Variants in NXF3 observed in about 807,000 individuals in gnomAD.
NXF3 encodes TAP-like protein 3.
A neutral mutation model predicts 48.4 loss-of-function variants in NXF3; 34 were observed. That is an observed-to-expected ratio of 0.70 (90% CI 0.53 to 0.93). The LOEUF (loss-of-function observed/expected upper bound fraction) is 0.93, where lower values mean the gene tolerates loss of function less well. Ranked by LOEUF, NXF3 falls within the 40% of genes least tolerant of loss-of-function variation. The probability of loss-of-function intolerance (pLI) is 0.00; values close to 1 mark genes in which losing one functional copy is unlikely to be tolerated. For missense variants in NXF3, 359 were observed against 406.1 expected, an observed-to-expected ratio of 0.88 and a Z score of 1.00; for synonymous variants, 132 against 145.7, an observed-to-expected ratio of 0.91 and a Z score of 0.68.
At position 103,080,153 on chromosome X, in the gene NXF3, A is replaced by G; in HGVS notation, c.991T>C (p.Cys331Arg). The G allele has an allele frequency of 8.3e-7, 1 of 1,211,069 alleles. No individual in the cohort carries two copies. The highest frequency in any genetic ancestry group is 1.1e-6 in the Non-Finnish European group (1 of 895,167). ...GCTGGATCCTCTCTTCTCACCTTAC[A>G]GGTTGGTAACCTCTTGTGGGCTTCA... is the stretch of plus-strand genomic sequence containing the variant. ...GTEAHKRLPT[C>R]KGSFFGSEML... Residue 331 changes from cysteine to arginine, a missense_variant, in exon 11 of 20, where the codon TGT becomes CGT. By Grantham distance (180) the Cys-to-Arg change is radical (BLOSUM62 -3). Coordinates refer to ENST00000395065, the MANE Select transcript of NXF3 (RefSeq NM_022052.2).
At chrX:103,078,861 A>C (rs919971607) in intron 16 of NXF3, among the ~76,000 whole-genome samples, 2 of 112,208 alleles carry the variant, frequency 1.8e-5, no homozygotes, top group African/African-American at 6.5e-5. Flanking sequence ...GAAAACCACA[A>C]GTTCACTTAA....
Position 103,083,255 on chromosome X carries a change from G to A in NXF3, c.559C>T (p.Pro187Ser). 1 of 1,210,735 alleles carries A rather than the reference G, an allele frequency of 8.3e-7. No homozygotes were observed. Among genetic ancestry groups the A allele is most frequent in the East Asian group, 3.0e-5 (1 of 33,826 alleles). Reference protein sequence around the residue: ...DNEKISIFVNPAGIPHFVHRE... With the variant: ...DNEKISIFVNSAGIPHFVHRE... ...TGCACAAAGTGGGGTATGCCAGCAG[G>A]GTTGACAAAGATTGATATCTGCAGA... The change falls in exon 6 of 20, where the codon CCT (proline) becomes TCT (serine). Residue 187 changes from proline to serine, a missense_variant. By Grantham distance (74) the Pro-to-Ser change is moderately conservative (BLOSUM62 -1). Transcript: ENST00000395065.
chrX:103,090,704 G>A (rs746408156), intron 1 of NXF3, among the ~76,000 whole-genome samples: 3 of 111,573 alleles, frequency 2.7e-5, no homozygotes, highest in South Asian at 7.6e-4. Flanking sequence ...AGGGATAGAA[G>A]GTGGGGGTGA....
intron 19 of NXF3, 26 bp downstream of exon 19, chrX:103,076,215 A>C (rs1187247851): frequency 2.7e-6 from 3 of 1,114,982 alleles, no homozygotes; most frequent in East Asian, 3.0e-5. Context: ...ACCTCTGCTC[A>C]CTTGGCCTGA....
chrX:103,089,896 T>C (rs767411490), intron 1 of NXF3, among the ~76,000 whole-genome samples: 3 of 110,995 alleles, frequency 2.7e-5, no homozygotes, highest in Non-Finnish European at 5.7e-5. Flanking sequence ...CTTCAGGTGA[T>C]TAAGGTTTTT....
At chrX:103,078,244 A>C (rs917908445) in intron 17 of NXF3, among the ~76,000 whole-genome samples, 3 of 111,217 alleles carry the variant, frequency 2.7e-5, no homozygotes, top group Non-Finnish European at 3.8e-5. Flanking sequence ...CTTCCACCTC[A>C]ACTTCCTGAA....
At position 103,080,046 on chromosome X, in the gene NXF3, A is replaced by T. The variant is rs1921970813; in HGVS notation, c.1019T>A (p.Met340Lys). 8.3e-7 allele frequency: 1 copy of T among 1,209,274 alleles called. No homozygotes were observed. The highest frequency in any genetic ancestry group is 1.8e-5 in the South Asian group (1 of 56,732). Reference sequence around the variant, plus strand: ...GAATTGCAGGACCAGATTCTTCAACATCTCAGATCCAAAGAAGCTTCCCTG... The same window carrying T: ...GAATTGCAGGACCAGATTCTTCAACTTCTCAGATCCAAAGAAGCTTCCCTG... ...TCKGSFFGSEMLKNLVLQFLQ... is the reference protein window; with the variant it reads ...TCKGSFFGSEKLKNLVLQFLQ... The change falls in exon 12 of 20, where the codon ATG becomes AAG. Residue 340 changes from methionine (M) to lysine (K), a missense_variant. Met to Lys is a moderately conservative substitution (Grantham distance 95). Transcript: ENST00000395065.
At chrX:103,088,973 T>C (rs1282606372) in intron 1 of NXF3, 2 of 1,169,273 alleles carry the variant, frequency 1.7e-6, no homozygotes, top group Admixed American at 4.4e-5. Flanking sequence ...TTATTCCTGG[T>C]AGCACCAGGC....
rs939135208 is a variant in NXF3 at position 103,083,748 on chromosome X, C to T, written c.352-56G>A. ...AGGAGACTGACATAATGGAATTAAACGTTAAAAGTGGACCCAAATATGTTC... is the reference window on the plus strand; with the variant it reads ...AGGAGACTGACATAATGGAATTAAATGTTAAAAGTGGACCCAAATATGTTC... On this transcript the variant is annotated intron_variant, in intron 3 of 19. Transcript: ENST00000395065. The T allele has an allele frequency of 1.2e-5, 11 of 944,538 alleles. No homozygotes were observed. The African/African-American group carries it at 1.5e-4, about 13-fold the overall frequency. 77.8% of individuals were successfully genotyped at this position (944,538 alleles called of 1,213,427 possible).
chrX:103,077,229 C>T (rs758468901), intron 18 of NXF3, among the ~76,000 whole-genome samples: 10 of 106,590 alleles, frequency 9.4e-5, no homozygotes, highest in African/African-American at 3.4e-4. Flanking sequence ...ACCATACACA[C>T]CCAGCACTCA....
rs369009996 is a variant in NXF3, at chrX:103,081,929, C to T, written c.890+326G>A. On this transcript the variant is annotated intron_variant, in intron 9 of 19. Transcript: ENST00000395065. ...CCTGGACTAAAGGACTCTTCTCGGT[C>T]CAGGGCACCAGCACCTGAATACTGC... Among the ~76,000 whole-genome samples the T allele has an allele frequency of 2.3e-3, 257 of 111,727 alleles. 1 individual carries two copies. Among genetic ancestry groups the T allele is most frequent in the African/African-American group, 8.1e-3 (248 of 30,768 alleles).
intron 3 of NXF3, among the ~76,000 whole-genome samples, chrX:103,084,061 C>A (rs915533443): frequency 1.8e-5 from 2 of 111,280 alleles, no homozygotes; most frequent in African/African-American, 6.5e-5. Flanking sequence ...TTAGTTTGAG[C>A]TAAACTGAAG....
chrX:103,088,874 T>C, intron 1 of NXF3: 1 of 1,186,542 alleles, frequency 8.4e-7, no homozygotes. Flanking sequence ...ACTATAATGA[T>C]TCCCAACAAT....
At chrX:103,081,371 C>G (rs1922004107) in intron 9 of NXF3, 1 of 112,379 alleles carries the variant, frequency 8.9e-6, no homozygotes, top group African/African-American at 3.2e-5. Context: ...AAGGGTCAAG[C>G]CCCAGCTCAG....
chrX:103,080,109 C>A (rs768545248), intron 11 of NXF3, 39 bp downstream of exon 11: 3 of 1,208,174 alleles, frequency 2.5e-6, no homozygotes, highest in South Asian at 1.8e-5. Flanking sequence ...GGTACCCCCC[C>A]TTCCTCATGC....
At chrX:103,080,746 G>A in intron 9 of NXF3, 134 bp from the exon 10 acceptor site, 1 of 578,690 alleles carries the variant, frequency 1.7e-6, no homozygotes, top group South Asian at 2.9e-5. Context: ...TGCCTCTGCA[G>A]CCCTGGGCAG....
chrX:103,080,344 G>C (rs1921978279), intron 10 of NXF3, 128 bp from the exon 11 acceptor site: 2 of 720,257 alleles, frequency 2.8e-6, no homozygotes, highest in Non-Finnish European at 4.2e-6. Context: ...AATTACGTGG[G>C]CAAGACTACA....
intron 1 of NXF3, chrX:103,089,239 G>A (rs1922222006): frequency 5.4e-6 from 3 of 557,801 alleles, no homozygotes; most frequent in South Asian, 2.7e-5. Context: ...TTTAAAGAAC[G>A]ACCACAAGAG....
chrX:103,080,272 T>G lies in NXF3; in HGVS notation c.928-56A>C, dbSNP rs751497691. Reference sequence around the variant, plus strand: ...AAAGTAGGGAGGTGGCACAGAAAATTACGGAAAAGGATAGACCCAGGAGAG... The same window carrying G: ...AAAGTAGGGAGGTGGCACAGAAAATGACGGAAAAGGATAGACCCAGGAGAG... On this transcript the variant is annotated intron_variant, in intron 10 of 19. Coordinates refer to ENST00000395065, the MANE Select transcript of NXF3 (RefSeq NM_022052.2). 1.9e-5 allele frequency: 21 copies of G among 1,095,592 alleles called. No homozygotes were observed. The South Asian group carries it at 3.8e-4, about 20-fold the overall frequency. 90.3% of individuals were successfully genotyped at this position (1,095,592 alleles called of 1,213,427 possible).
Sources: gnomAD v4.1 joint callset for allele counts (sites outside exome capture counted in the v4.1 genomes callset) on GRCh38, gnomAD v4.1.1 for gene constraint, MANE v1.5 for transcripts, NCBI Gene and HGNC (gene_info 2026-07-23, HGNC 2026-07-21) for gene names.